The following RGS8 variants were observed in gnomAD, a reference collection of about 807,000 sequenced individuals.
RGS8 encodes regulator of G protein signaling 8.
A neutral mutation model predicts 21.7 loss-of-function variants in RGS8; 8 were observed. The ratio of observed to expected loss-of-function variants is 0.37; its 90% CI spans 0.22 to 0.66. The LOEUF (loss-of-function observed/expected upper bound fraction) is 0.66. Ranked by LOEUF, RGS8 falls within the 30% of genes least tolerant of loss-of-function variation. RGS8 has a pLI of 0.59. For missense variants in RGS8, 157 were observed against 217.9 expected, an observed-to-expected ratio of 0.72 and a Z score of 1.76; for synonymous variants, 80 against 83.6, an observed-to-expected ratio of 0.96 and a Z score of 0.24.
chr1:182,691,624 A>C, the RGS8 span, among the ~76,000 whole-genome samples: 7 of 150,636 alleles, frequency 4.6e-5, no homozygotes, highest in African/African-American at 1.7e-4. Flanking sequence ...AAAAAAAAAA[A>C]AAAAAAAAAA....
In RGS8 at chr1:182,646,954, C is replaced by T. The variant is rs375601473; in HGVS notation, c.361-37G>A. ...AACAGAGAGCAAGGTCACAGGCCCT[C>T]AAGGGCCAAGGTTTCTGGCAGCTGG... On this transcript the variant is annotated intron_variant, in intron 6 of 6. Transcript: ENST00000483095. 104 of 1,560,874 alleles carry T rather than the reference C, an allele frequency of 6.7e-5. 1 individual carries two copies. The African/African-American group carries it at 1.2e-3, about 17-fold the overall frequency.
the RGS8 span, among the ~76,000 whole-genome samples, chr1:182,735,998 T>A: frequency 2.7e-4 from 41 of 152,384 alleles, no homozygotes; most frequent in Admixed American, 4.6e-4. Context: ...CTGTCATTGT[T>A]TTTGCCATGT....
chr1:182,732,267 TCTCATACACACA>T, the RGS8 span, among the ~76,000 whole-genome samples: 5 of 132,994 alleles, frequency 3.8e-5, no homozygotes, highest in Admixed American at 1.5e-4. Context: ...TCGCTCTCTC[TCTCATACACACA>T]CACACACACA....
intron 3 of RGS8, among the ~76,000 whole-genome samples, chr1:182,668,840 G>A (rs1034976849): frequency 1.3e-5 from 2 of 152,192 alleles, no homozygotes; most frequent in African/African-American, 4.8e-5. Context: ...GCTGATTGAG[G>A]GCCCTCGAGT....
At chr1:182,652,683 T>C (rs1663079637) in intron 5 of RGS8, among the ~76,000 whole-genome samples, 1 of 152,088 alleles carries the variant, frequency 6.6e-6, no homozygotes, top group African/African-American at 2.4e-5. Context: ...CAAGGGGAAG[T>C]TTGAGCCAAG....
At chr1:182,747,538 A>G in the RGS8 span, among the ~76,000 whole-genome samples, 3 of 152,190 alleles carry the variant, frequency 2.0e-5, no homozygotes, top group Non-Finnish European at 4.4e-5. Context: ...TGCAAACACA[A>G]TAACCACTTC....
upstream of RGS8, among the ~76,000 whole-genome samples, chr1:182,687,286 T>C (rs1440848453): frequency 6.6e-6 from 1 of 152,190 alleles, no homozygotes; most frequent in East Asian, 1.9e-4. Context: ...CAAGGGATCC[T>C]TGGGCCTCAG....
chr1:182,669,718 G>A (rs1395060596), exon 3 of RGS8: 20 of 1,611,284 alleles, frequency 1.2e-5, no homozygotes, highest in East Asian at 2.2e-5. Flanking sequence ...ATAAGACTGC[G>A]GGGCTCAGGA....
chr1:182,740,952 C>T, the RGS8 span, among the ~76,000 whole-genome samples: 15 of 152,100 alleles, frequency 9.9e-5, no homozygotes, highest in Non-Finnish European at 1.5e-4. Context: ...CCATGTCTAC[C>T]TCTTTCTACA....
intron 5 of RGS8, among the ~76,000 whole-genome samples, chr1:182,663,205 A>T (rs1197039314): frequency 6.6e-6 from 1 of 152,202 alleles, no homozygotes; most frequent in Non-Finnish European, 1.5e-5. Context: ...GGAAAAGCTT[A>T]ATCAGCCCTA....
chr1:182,717,226 G>A, the RGS8 span, among the ~76,000 whole-genome samples: 3 of 152,172 alleles, frequency 2.0e-5, no homozygotes, highest in Non-Finnish European at 4.4e-5. Flanking sequence ...TTAAATGAAA[G>A]CCACACTACT....
At chr1:182,747,111 G>T in the RGS8 span, among the ~76,000 whole-genome samples, 2 of 107,222 alleles carry the variant, frequency 1.9e-5, no homozygotes, top group African/African-American at 6.9e-5. Context: ...ATATTGCCCA[G>T]GCTGGTTCAA....
chr1:182,677,493 G>T (rs1213771823), upstream of RGS8, among the ~76,000 whole-genome samples: 1 of 152,122 alleles, frequency 6.6e-6, no homozygotes, highest in African/African-American at 2.4e-5. Context: ...AAGCTGTTTG[G>T]GGAAAGGTGC....
chr1:182,709,079 CT>C, the RGS8 span, among the ~76,000 whole-genome samples: 1 of 152,168 alleles, frequency 6.6e-6, no homozygotes, highest in East Asian at 1.9e-4. Flanking sequence ...CTTTTCCTGG[CT>C]TTCTTTCTAC....
rs533060045 is a variant in RGS8, at chr1:182,650,592, T to C, written c.194-2289A>G. ...AAAAAGTAGGAATGGCCGGGTGCAGTTGTTCATACCTGTAGTCTCAACATT... is the reference window on the plus strand; with the variant it reads ...AAAAAGTAGGAATGGCCGGGTGCAGCTGTTCATACCTGTAGTCTCAACATT... On this transcript the variant is annotated intron_variant, in intron 5 of 6. Transcript: ENST00000483095. Among the ~76,000 whole-genome samples the C allele has an allele frequency of 2.0e-5, 3 of 152,322 alleles. No homozygotes were observed. The East Asian group carries it at 5.8e-4, about 29-fold the overall frequency.
intron 2 of RGS8, among the ~76,000 whole-genome samples, chr1:182,670,684 G>T (rs146941941): frequency 6.6e-6 from 1 of 152,072 alleles, no homozygotes; most frequent in East Asian, 1.9e-4. Context: ...ATATTACCGC[G>T]ACTATTTCAC....
the RGS8 span, among the ~76,000 whole-genome samples, chr1:182,730,587 G>T: frequency 6.6e-6 from 1 of 151,986 alleles, no homozygotes; most frequent in Non-Finnish European, 1.5e-5. Flanking sequence ...GCAGGTGCCT[G>T]TAATCCCAAC....
chr1:182,698,533 GAA>G, the RGS8 span, among the ~76,000 whole-genome samples: 1 of 152,178 alleles, frequency 6.6e-6, no homozygotes, highest in African/African-American at 2.4e-5. Flanking sequence ...CCTTGGAGAA[GAA>G]GAGTCTCCTT....
chr1:182,646,934 A>G lies in RGS8; in HGVS notation c.361-17T>C. On this transcript the variant is annotated splice_polypyrimidine_tract_variant and intron_variant, in intron 6 of 6. Transcript: ENST00000483095. The stretch of plus-strand genomic sequence containing the variant: ...AATGTTTACCTAGAGATACAAACAG[A>G]GAGCAAGGTCACAGGCCCTCAAGGG... 6.2e-7 allele frequency: 1 copy of G among 1,608,058 alleles called. No individual in the cohort carries two copies. Among genetic ancestry groups the G allele is most frequent in the Non-Finnish European group, 8.5e-7 (1 of 1,177,966 alleles).
Sources: gnomAD v4.1 joint callset for allele counts (sites outside exome capture counted in the v4.1 genomes callset) on GRCh38, gnomAD v4.1.1 for gene constraint, MANE v1.5 for transcripts, NCBI Gene and HGNC (gene_info 2026-07-23, HGNC 2026-07-21) for gene names.